The following GDA variants were observed in gnomAD, a reference collection of about 807,000 sequenced individuals.
GDA encodes cytoplasmic PSD-95 interactor.
Under a neutral mutation model 59.6 loss-of-function variants are expected in GDA, and 18 were observed. That is an observed-to-expected ratio of 0.30 (90% confidence interval 0.21 to 0.45). GDA has a LOEUF of 0.45. Among genes scored for constraint, GDA ranks in the 20% least tolerant of loss-of-function variants. The pLI is 1.00. For synonymous variants in GDA, 201 were observed against 201.1 expected, an observed-to-expected ratio of 1.00 and a Z score of 0.00; for missense variants, 427 against 552.3, an observed-to-expected ratio of 0.77 and a Z score of 2.27.
chr9:72,207,761 C>A (rs548462197), intron 3 of GDA, among the ~76,000 whole-genome samples: 1 of 152,212 alleles, frequency 6.6e-6, no homozygotes, highest in East Asian at 1.9e-4. Context: ...TTTCCAAATT[C>A]TTTTGACTTT....
At chr9:72,155,401 G>A (rs1328908745) in intron 1 of GDA, among the ~76,000 whole-genome samples, 3 of 152,214 alleles carry the variant, frequency 2.0e-5, no homozygotes, top group Admixed American at 2.0e-4. Flanking sequence ...TACAATTCAA[G>A]ATGAGATTTG....
At position 72,202,651 on chromosome 9, in the gene GDA, C is replaced by A. The variant is rs146422167; in HGVS notation, c.293C>A (p.Pro98Gln). 1 of 1,611,162 alleles carries A rather than the reference C, an allele frequency of 6.2e-7. No homozygotes were observed. The highest frequency in any genetic ancestry group is 1.7e-5 in the Admixed American group (1 of 60,020). Residue 98 changes from proline to glutamine, a missense_variant, in exon 3 of 14, where the codon CCA (proline) becomes CAA (glutamine). Coordinates refer to ENST00000358399, the MANE Select transcript of GDA (RefSeq NM_004293.5). ...TTTGCTGGAAGTAGCATAGACCTGCCACTCTTGGAGTGGCTGACCAAGTAC... is the reference window on the plus strand; with the variant it reads ...TTTGCTGGAAGTAGCATAGACCTGCAACTCTTGGAGTGGCTGACCAAGTAC... ...YSFAGSSIDLPLLEWLTKYTF... is the reference protein window; with the variant it reads ...YSFAGSSIDLQLLEWLTKYTF...
chr9:72,220,003 A>G (rs1836660553), intron 6 of GDA, among the ~76,000 whole-genome samples: 1 of 152,236 alleles, frequency 6.6e-6, no homozygotes, highest in Non-Finnish European at 1.5e-5. Context: ...CATTCAGAAT[A>G]GCCAAGATAT....
At chr9:72,144,135 T>C (rs2130661729) in intron 1 of GDA, among the ~76,000 whole-genome samples, 1 of 152,278 alleles carries the variant, frequency 6.6e-6, no homozygotes, top group East Asian at 1.9e-4. Flanking sequence ...GGCAGAAGAA[T>C]CCCTTGAGCC....
intron 1 of GDA, among the ~76,000 whole-genome samples, chr9:72,169,242 G>A (rs1225956247): frequency 1.3e-5 from 2 of 152,196 alleles, no homozygotes; most frequent in African/African-American, 2.4e-5. Context: ...TGAATGGCTA[G>A]CATCTTTATA....
Position 72,248,713 on chromosome 9 carries a change from A to G in GDA, c.*371A>G. 2 of 1,011,822 alleles carry G rather than the reference A, an allele frequency of 2.0e-6. No individual in the cohort carries two copies. The highest frequency in any genetic ancestry group is 2.4e-6 in the Non-Finnish European group (2 of 844,532). The allele number at this position is 1,011,822 out of a possible 1,614,324, so 62.7% of individuals were successfully genotyped here. On this transcript the variant is annotated 3_prime_UTR_variant, in exon 14 of 14. Transcript: ENST00000358399. ...CTAAAAGGTTAGATATTTTGAGCTA[A>G]TAATTGCAAAAATTAGAAGACTGAA...
At chr9:72,244,937 T>G (rs1839988267) in intron 11 of GDA, among the ~76,000 whole-genome samples, 1 of 152,232 alleles carries the variant, frequency 6.6e-6, no homozygotes, top group Non-Finnish European at 1.5e-5. Context: ...GTTTTCATTC[T>G]CAGATTTTGC....
chr9:72,128,096 C>G (rs1382948333), intron 1 of GDA, among the ~76,000 whole-genome samples: 1 of 152,114 alleles, frequency 6.6e-6, no homozygotes, highest in East Asian at 1.9e-4. Flanking sequence ...CACGTCCTCA[C>G]AGAGAAAGGG....
chr9:72,188,750 G>A (rs1832152672), intron 1 of GDA, among the ~76,000 whole-genome samples: 2 of 152,130 alleles, frequency 1.3e-5, no homozygotes, highest in Non-Finnish European at 1.5e-5. Context: ...GAGCAGGACT[G>A]GCACTGAGAC....
intron 1 of GDA, among the ~76,000 whole-genome samples, chr9:72,185,103 A>C (rs142742424): frequency 5.9e-5 from 9 of 152,360 alleles, no homozygotes; most frequent in Non-Finnish European, 1.3e-4. Context: ...GCCATTTGCT[A>C]CTATATTGTC....
intron 1 of GDA, among the ~76,000 whole-genome samples, chr9:72,192,443 G>T (rs185608061): frequency 6.7e-6 from 1 of 150,138 alleles, no homozygotes; most frequent in Non-Finnish European, 1.5e-5. Context: ...AGTTGGCCAG[G>T]CTGGTCTTGA....
At chr9:72,123,112 ATTC>A (rs1454447521) in intron 1 of GDA, among the ~76,000 whole-genome samples, 2 of 151,214 alleles carry the variant, frequency 1.3e-5, no homozygotes, top group African/African-American at 2.4e-5. Context: ...CAAGGCAGTT[ATTC>A]TTCTTGCTTA....
rs544702162 is a variant in GDA, at chr9:72,138,765, A to G, written c.-100+23932A>G. On this transcript the variant is annotated intron_variant, in intron 1 of 13. Transcript: ENST00000545168. ...AGTCATGACTTTTTAAAATCTTTCA[A>G]TTTCTAGGGCTTAACAGAATACCTG... Among the ~76,000 whole-genome samples the G allele has an allele frequency of 4.6e-5, 7 of 152,300 alleles. No homozygotes were observed. The East Asian group carries it at 9.6e-4, about 21-fold the overall frequency.
chr9:72,225,620 G>T, intron 7 of GDA, 57 bp from the exon 8 acceptor site: 1 of 829,290 alleles, frequency 1.2e-6, no homozygotes, highest in Non-Finnish European at 2.0e-6. Flanking sequence ...GGTAGGAAGT[G>T]TAATTTCTAA....
chr9:72,244,656 GA>G (rs1345430199), intron 11 of GDA, among the ~76,000 whole-genome samples: 4 of 152,092 alleles, frequency 2.6e-5, no homozygotes, highest in African/African-American at 9.7e-5. Flanking sequence ...TATGCAAAAG[GA>G]TAATTATTTT....
At chr9:72,153,849 A>T (rs1164737519) in intron 1 of GDA, among the ~76,000 whole-genome samples, 1 of 145,278 alleles carries the variant, frequency 6.9e-6, no homozygotes, top group Admixed American at 6.8e-5. Flanking sequence ...GCATTAGGAG[A>T]TATACCTAAT....
intron 1 of GDA, among the ~76,000 whole-genome samples, chr9:72,181,026 A>G (rs1439995506): frequency 5.3e-5 from 8 of 152,186 alleles, no homozygotes; most frequent in Admixed American, 5.2e-4. Flanking sequence ...CAATGTGTGC[A>G]TTTCACATGA....
chr9:72,151,002 C>T lies in GDA; in HGVS notation c.123+1320C>T, dbSNP rs912361451. 2.0e-5 allele frequency among the ~76,000 whole-genome samples: 3 copies of T among 152,254 alleles called. No homozygotes were observed. In the East Asian group the frequency reaches 5.8e-4, roughly 29 times the overall value. On this transcript the variant is annotated intron_variant, in intron 1 of 13. Transcript: ENST00000358399. The stretch of plus-strand genomic sequence containing the variant: ...GTAAGATTAGAGGTGTTATTTTAAT[C>T]ACAAGAAGCTGTTCAACTCTTGGGT...
Position 72,250,658 on chromosome 9 carries a change from TA to T in GDA, c.*2318del. The stretch of plus-strand genomic sequence containing the variant: ...TGCACTTTGAAATGTTGCCTTTGCC[TA>T]ATGTAGGTTGACTTTCTGAATTGTG... On this transcript the variant is annotated 3_prime_UTR_variant, in exon 14 of 14. Transcript: ENST00000358399. 6.2e-7 allele frequency: 1 copy of T among 1,607,046 alleles called. No homozygotes were observed.
Sources: allele counts gnomAD v4.1 joint callset (sites outside exome capture counted in the v4.1 genomes callset), GRCh38; gene constraint gnomAD v4.1.1; transcripts MANE v1.5; gene names NCBI Gene and HGNC (gene_info 2026-07-23, HGNC 2026-07-21).